DAG1: variants seen among roughly 807,000 people sequenced by gnomAD.
DAG1 encodes dystroglycan 1 (dystrophin-associated glycoprotein 1).
In DAG1, 8 loss-of-function variants were observed where a neutral mutation model predicts 46.1. The ratio of observed to expected loss-of-function variants is 0.17; its 90% CI spans 0.10 to 0.31. The LOEUF (loss-of-function observed/expected upper bound fraction) is 0.31, where lower values mean the gene tolerates loss of function less well. DAG1 is among the 10% of genes least tolerant of loss of function. The pLI is 1.00. For missense variants in DAG1, 1,003 were observed against 1,189.9 expected, an observed-to-expected ratio of 0.84 and a Z score of 2.31; for synonymous variants, 495 against 481.8, an observed-to-expected ratio of 1.03 and a Z score of -0.36.
intron 2 of DAG1, among the ~76,000 whole-genome samples, chr3:49,528,443 C>T (rs1300290249): frequency 1.3e-5 from 2 of 151,484 alleles, no homozygotes; most frequent in African/African-American, 4.9e-5. Flanking sequence ...CACCACCATG[C>T]CTGGCTAATT....
chr3:49,473,436 A>C (rs1007761701), intron 1 of DAG1, among the ~76,000 whole-genome samples: 5 of 151,954 alleles, frequency 3.3e-5, no homozygotes, highest in Admixed American at 6.5e-5. Context: ...CAAAAAAAAA[A>C]CACAAAAAAA....
intron 2 of DAG1, among the ~76,000 whole-genome samples, chr3:49,520,208 A>G (rs1367616788): frequency 6.6e-6 from 1 of 152,236 alleles, no homozygotes; most frequent in African/African-American, 2.4e-5. Flanking sequence ...CAGCACAGCC[A>G]TGTGACTGCC....
chr3:49,500,595 C>T (rs2050422957), intron 1 of DAG1, among the ~76,000 whole-genome samples: 2 of 152,328 alleles, frequency 1.3e-5, no homozygotes, highest in South Asian at 4.1e-4. Context: ...CTCCTGTCAG[C>T]CAGTGGTGAA....
At position 49,510,594 on chromosome 3, in the gene DAG1, C is replaced by T; in HGVS notation, c.60C>T (p.Leu20=). Reference sequence around the variant, plus strand: ...CCCTCTCGGGGAGGACCTTTCTCCTCCTGCTCTCTGTGGTTATGGCTCAGT... The same window carrying T: ...CCCTCTCGGGGAGGACCTTTCTCCTTCTGCTCTCTGTGGTTATGGCTCAGT... The part of the protein sequence containing the change: ...LLPLSGRTFL[L]LLSVVMAQSH... Residue 20 remains leucine (L), a synonymous_variant, in exon 2 of 3, where the codon CTC becomes CTT. Transcript: ENST00000308775. The T allele has an allele frequency of 6.2e-7, 1 of 1,614,096 alleles. No individual in the cohort carries two copies. Among genetic ancestry groups the T allele is most frequent in the Non-Finnish European group, 8.5e-7 (1 of 1,180,022 alleles).
chr3:49,481,625 G>C (rs1575344993), intron 1 of DAG1, among the ~76,000 whole-genome samples: 1 of 152,054 alleles, frequency 6.6e-6, no homozygotes, highest in South Asian at 2.1e-4. Flanking sequence ...ATTCATTCTT[G>C]CTGAGGCAGT....
chr3:49,484,796 G>A (rs1463974272), intron 1 of DAG1, among the ~76,000 whole-genome samples: 2 of 148,682 alleles, frequency 1.3e-5, no homozygotes, highest in Non-Finnish European at 3.0e-5. Context: ...AGCCATTGCT[G>A]CTTTTTTTTT....
At chr3:49,515,066 C>T (rs1247536386) in intron 2 of DAG1, among the ~76,000 whole-genome samples, 1 of 152,118 alleles carries the variant, frequency 6.6e-6, no homozygotes, top group Non-Finnish European at 1.5e-5. Context: ...AAACTCCTGA[C>T]CTCGTGATCC....
At chr3:49,509,354 A>G (rs2050700158) in intron 1 of DAG1, among the ~76,000 whole-genome samples, 2 of 152,190 alleles carry the variant, frequency 1.3e-5, no homozygotes, top group South Asian at 4.1e-4. Flanking sequence ...TCAAGGTTAC[A>G]TTGAGCTATG....
At chr3:49,522,792 A>G (rs754822319) in intron 2 of DAG1, among the ~76,000 whole-genome samples, 11 of 152,318 alleles carry the variant, frequency 7.2e-5, no homozygotes, top group African/African-American at 1.4e-4. Context: ...GAAACCAGAA[A>G]GTTTTCTGGC....
chr3:49,481,482 GATTTTT>G (rs1047210089), intron 1 of DAG1, among the ~76,000 whole-genome samples: 4 of 151,726 alleles, frequency 2.6e-5, no homozygotes, highest in Non-Finnish European at 2.9e-5. Flanking sequence ...GATTTGTACT[GATTTTT>G]ATTTTTAAGT....
At chr3:49,522,770 C>T (rs2051068477) in intron 2 of DAG1, among the ~76,000 whole-genome samples, 1 of 152,188 alleles carries the variant, frequency 6.6e-6, no homozygotes, top group Admixed American at 6.5e-5. Flanking sequence ...CACATCGTCT[C>T]TAAGGGTTGC....
At chr3:49,505,925 C>T (rs543945591) in intron 1 of DAG1, among the ~76,000 whole-genome samples, 2 of 151,738 alleles carry the variant, frequency 1.3e-5, no homozygotes, top group South Asian at 4.2e-4. Flanking sequence ...CTGCCTCGGC[C>T]CCCCAAGGTG....
chr3:49,527,446 C>T (rs1203502085), intron 2 of DAG1, among the ~76,000 whole-genome samples: 7 of 96,388 alleles, frequency 7.3e-5, no homozygotes, highest in Admixed American at 1.4e-4. Context: ...GGCATGAACC[C>T]GGGAGGCGGA....
At chr3:49,500,739 C>G (rs925799020) in intron 1 of DAG1, among the ~76,000 whole-genome samples, 8 of 152,160 alleles carry the variant, frequency 5.3e-5, no homozygotes, top group African/African-American at 1.9e-4. Context: ...CAGAATCTTG[C>G]CAGAATCTTT....
rs778142627 is a variant in DAG1, at chr3:49,531,061, G to A, written c.550G>A (p.Ala184Thr). 11 of 1,614,188 alleles carry A rather than the reference G, an allele frequency of 6.8e-6. No homozygotes were observed. In the South Asian group the frequency reaches 1.2e-4, roughly 18 times the overall value. ...PGEVVSSACA[A>T]DEPVTVLTVI... The stretch of plus-strand genomic sequence containing the variant: ...TGAGGTGGTATCATCTGCCTGTGCT[G>A]CGGATGAACCTGTGACTGTTTTGAC... Residue 184 changes from alanine (A) to threonine (T), a missense_variant, in exon 3 of 3, where the codon GCG becomes ACG. By Grantham distance (58) the Ala-to-Thr change is moderately conservative. Coordinates refer to ENST00000308775, the MANE Select transcript of DAG1 (RefSeq NM_004393.6). The surrounding 1 kb of genome is among the most constrained non-coding windows in gnomAD (Gnocchi z 7.0).
chr3:49,517,623 T>C (rs754205361), intron 2 of DAG1, among the ~76,000 whole-genome samples: 1 of 152,114 alleles, frequency 6.6e-6, no homozygotes, highest in African/African-American at 2.4e-5. Context: ...GCTAAGTAAA[T>C]GGCTGGTTTA....
intron 1 of DAG1, among the ~76,000 whole-genome samples, chr3:49,477,885 A>G (rs2049727708): frequency 6.6e-6 from 1 of 150,730 alleles, no homozygotes; most frequent in Admixed American, 6.6e-5. Flanking sequence ...TCACTTGAAC[A>G]TGGGAGGTGG....
intron 1 of DAG1, among the ~76,000 whole-genome samples, chr3:49,474,333 C>T (rs1320633976): frequency 1.3e-5 from 2 of 152,096 alleles, no homozygotes; most frequent in South Asian, 2.1e-4. Flanking sequence ...GGATTACAGG[C>T]GTGAGCCACC....
At chr3:49,495,456 G>T (rs1575364495) in intron 1 of DAG1, among the ~76,000 whole-genome samples, 1 of 152,190 alleles carries the variant, frequency 6.6e-6, no homozygotes, top group African/African-American at 2.4e-5. Context: ...AGTGTTAATT[G>T]TTGGGCTGTC....
Sources: allele counts gnomAD v4.1 joint callset (sites outside exome capture counted in the v4.1 genomes callset), GRCh38; gene constraint gnomAD v4.1.1; non-coding constraint Gnocchi (gnomAD v3.1); transcripts MANE v1.5; gene names NCBI Gene and HGNC (gene_info 2026-07-23, HGNC 2026-07-21).